CPM: variants seen among roughly 807,000 people sequenced by gnomAD.
CPM encodes the protein renal carboxypeptidase.
In CPM, 35 loss-of-function variants were observed where a neutral mutation model predicts 46.4. The ratio of observed to expected loss-of-function variants is 0.75; its 90% CI spans 0.58 to 1.00. The LOEUF is 1.00. Ranked by LOEUF, CPM falls within the 50% of genes least tolerant of loss-of-function variation. The pLI, the probability that CPM is intolerant of heterozygous loss-of-function variation, is 0.00. For synonymous variants in CPM, 195 were observed against 195.3 expected (o/e 1.00, Z 0.01); for missense variants, 422 against 530.4 (o/e 0.80, Z 2.01).
chr12:68,946,408 T>G (rs1173605549), intron 1 of CPM, among the ~76,000 whole-genome samples: 1 of 152,226 alleles, frequency 6.6e-6, no homozygotes, highest in Non-Finnish European at 1.5e-5. Flanking sequence ...AATCTCAGAT[T>G]AGACCTTTTA....
At chr12:68,872,207 CA>C (rs1186817759) in intron 3 of CPM, among the ~76,000 whole-genome samples, 1 of 149,150 alleles carries the variant, frequency 6.7e-6, no homozygotes, top group African/African-American at 2.5e-5. Flanking sequence ...TTACATATTG[CA>C]AAAATGAATT....
intron 1 of CPM, 45 bp from the exon 2 acceptor site, chr12:68,932,885 C>G: frequency 6.4e-7 from 1 of 1,569,806 alleles, no homozygotes; most frequent in Non-Finnish European, 8.7e-7. Context: ...CACATGAGGG[C>G]AGGCGGGGGC....
intron 1 of CPM, among the ~76,000 whole-genome samples, chr12:68,956,889 C>T (rs1047620755): frequency 6.6e-6 from 1 of 152,158 alleles, no homozygotes; most frequent in Non-Finnish European, 1.5e-5. Flanking sequence ...CTGGTAAATT[C>T]CTGTTTGTTC....
chr12:68,931,529 G>A (rs1229554314), intron 2 of CPM, among the ~76,000 whole-genome samples: 1 of 151,984 alleles, frequency 6.6e-6, no homozygotes, highest in African/African-American at 2.4e-5. Context: ...AGGATCACAA[G>A]GTCAGGAGTT....
In CPM at chr12:68,856,383, A is replaced by G. The variant is rs1592629250; in HGVS notation, c.*54T>C. ...GTGAGTTAGGGTTGCAGTAACCTGG[A>G]GTGAGCAATCCCTGATTCCAGGTGG... is the stretch of plus-strand genomic sequence containing the variant. On this transcript the variant is annotated 3_prime_UTR_variant, in exon 9 of 9. Coordinates refer to ENST00000551568, the MANE Select transcript of CPM (RefSeq NM_198320.5). 6.3e-7 allele frequency: 1 copy of G among 1,578,488 alleles called. No homozygotes were observed. The highest frequency in any genetic ancestry group is 1.3e-5 in the African/African-American group (1 of 74,172).
intron 3 of CPM, among the ~76,000 whole-genome samples, chr12:68,877,533 G>A (rs543012936): frequency 2.8e-4 from 42 of 152,190 alleles, no homozygotes; most frequent in African/African-American, 9.4e-4. Context: ...TAACAATTAC[G>A]CTCATGACAG....
downstream of CPM, chr12:68,846,816 G>A (rs1304828329): frequency 6.6e-6 from 1 of 151,860 alleles, no homozygotes; most frequent in Admixed American, 6.6e-5. Flanking sequence ...GTACTTACTC[G>A]CCTAGTGACC....
chr12:68,903,594 G>A (rs1887206459), intron 2 of CPM, among the ~76,000 whole-genome samples: 1 of 152,208 alleles, frequency 6.6e-6, no homozygotes, highest in Admixed American at 6.5e-5. Context: ...AGCCATTTGA[G>A]TTTACCCGTT....
intron 1 of CPM, among the ~76,000 whole-genome samples, chr12:68,941,018 A>G (rs1888750991): frequency 6.6e-6 from 1 of 152,120 alleles, no homozygotes; most frequent in Admixed American, 6.6e-5. Flanking sequence ...GCTCCTGGCT[A>G]CCAACATTCT....
intron 2 of CPM, among the ~76,000 whole-genome samples, chr12:68,929,376 GC>G (rs1888410343): frequency 6.6e-6 from 1 of 151,930 alleles, no homozygotes. Context: ...AGGGGTTGGG[GC>G]AAAAAATGGG....
intron 2 of CPM, among the ~76,000 whole-genome samples, chr12:68,910,768 C>T (rs1205116549): frequency 1.3e-5 from 2 of 151,914 alleles, no homozygotes; most frequent in African/African-American, 4.8e-5. Context: ...ATAAGAAATG[C>T]TACAAATACA....
chr12:68,866,917 A>G lies in CPM; in HGVS notation c.919T>C (p.Tyr307His). The G allele has an allele frequency of 6.2e-7, 1 of 1,613,610 alleles. No individual in the cohort carries two copies. Among genetic ancestry groups the G allele is most frequent in the Non-Finnish European group, 8.5e-7 (1 of 1,179,882 alleles). ...WNNNKASLIEYIKQVHLGVKG... is the reference protein window; with the variant it reads ...WNNNKASLIEHIKQVHLGVKG... ...AAACCTAGGTGCACCTGCTTTATATATTCAATTAATGAGGCTTTGTTATTA... is the reference window on the plus strand; with the variant it reads ...AAACCTAGGTGCACCTGCTTTATATGTTCAATTAATGAGGCTTTGTTATTA... The change falls in exon 7 of 9, where the codon TAT (tyrosine) becomes CAT (histidine). Residue 307 changes from tyrosine to histidine, a missense_variant. Tyr to His is a moderately conservative substitution (Grantham distance 83). Transcript: ENST00000551568.
At chr12:68,897,651 C>A (rs917944647) in intron 2 of CPM, among the ~76,000 whole-genome samples, 1 of 149,666 alleles carries the variant, frequency 6.7e-6, no homozygotes, top group Admixed American at 6.7e-5. Flanking sequence ...GCAGGAGAAT[C>A]GCTTGAACCC....
At chr12:68,851,054 A>C (rs1884650585), downstream of CPM, 1 of 152,448 alleles carries the variant, frequency 6.6e-6, no homozygotes, top group African/African-American at 2.4e-5. Flanking sequence ...TTGCCTCATA[A>C]AAGGTCATTA....
At chr12:68,940,575 G>A (rs182569670) in intron 1 of CPM, among the ~76,000 whole-genome samples, 204 of 150,258 alleles carry the variant, frequency 1.4e-3, no homozygotes, top group African/African-American at 4.7e-3. Flanking sequence ...CCCTACCTAC[G>A]AAAGGTTCTC....
In CPM at chr12:68,855,338, G is replaced by A. The variant is rs1037252448; in HGVS notation, c.*1099C>T. The A allele has an allele frequency of 1.3e-5, 2 of 152,300 alleles. No homozygotes were observed. Among genetic ancestry groups the A allele is most frequent in the African/African-American group, 4.8e-5 (2 of 41,438 alleles). 9.4% of individuals were successfully genotyped at this position (152,300 alleles called of 1,614,324 possible). On this transcript the variant is annotated 3_prime_UTR_variant, in exon 9 of 9. Coordinates refer to ENST00000551568, the MANE Select transcript of CPM (RefSeq NM_198320.5). ...TCCACATGATGGGTTGGAGGTACCT[G>A]TGAGTCACATCCAGGTGGATGTGTC...
intron 5 of CPM, chr12:68,844,738 T>A (rs1884122620): frequency 9.5e-6 from 2 of 210,974 alleles, no homozygotes; most frequent in South Asian, 3.7e-4. Context: ...TAATTAAGAT[T>A]TTTTAAATCC....
intron 1 of CPM, among the ~76,000 whole-genome samples, chr12:68,956,205 G>A (rs571541459): frequency 6.6e-6 from 1 of 152,332 alleles, no homozygotes; most frequent in South Asian, 2.1e-4. Context: ...CCCAGGTTTG[G>A]CCACAGTTTG....
chr12:68,880,647 C>T (rs1886149362), intron 3 of CPM, among the ~76,000 whole-genome samples: 1 of 152,240 alleles, frequency 6.6e-6, no homozygotes, highest in African/African-American at 2.4e-5. Context: ...CTGGGCAAAG[C>T]TTGGTGTTCA....
Sources: allele counts gnomAD v4.1 joint callset (sites outside exome capture counted in the v4.1 genomes callset), GRCh38; gene constraint gnomAD v4.1.1; transcripts MANE v1.5; gene names NCBI Gene and HGNC (gene_info 2026-07-23, HGNC 2026-07-21).